RNF130: variants seen among roughly 807,000 people sequenced by gnomAD.
RNF130 encodes ring finger protein 130, also known as E3 ubiquitin-protein ligase RNF130.
A neutral mutation model predicts 44.6 loss-of-function variants in RNF130; 21 were observed. The observed-to-expected ratio is 0.47, with a 90% CI of 0.33 to 0.68. The LOEUF is 0.68. Among genes scored for constraint, RNF130 ranks in the 30% least tolerant of loss-of-function variants. RNF130 has a pLI of 0.02. For synonymous variants in RNF130, 214 were observed against 210.4 expected, an observed-to-expected ratio of 1.02 and a Z score of -0.15; for missense variants, 479 against 560.6, an observed-to-expected ratio of 0.85 and a Z score of 1.47.
chr5:179,946,976 ATAAAG>A (rs1229361959), intron 7 of RNF130, among the ~76,000 whole-genome samples: 4 of 151,932 alleles, frequency 2.6e-5, no homozygotes, highest in South Asian at 2.1e-4. Flanking sequence ...TCCTTGGCAA[ATAAAG>A]TACTCTCCTT....
chr5:179,960,292 T>C (rs1248553473), intron 8 of RNF130, among the ~76,000 whole-genome samples: 2 of 152,230 alleles, frequency 1.3e-5, no homozygotes, highest in Non-Finnish European at 2.9e-5. Flanking sequence ...ACCATCCTGT[T>C]TATATTTGCA....
intron 1 of RNF130, among the ~76,000 whole-genome samples, chr5:180,043,383 T>C (rs1764473668): frequency 6.6e-6 from 1 of 152,128 alleles, no homozygotes; most frequent in Admixed American, 6.5e-5. Flanking sequence ...TTTCCCTTTG[T>C]TTGTTTCACT....
chr5:179,940,839 G>A (rs929234607), intron 7 of RNF130, among the ~76,000 whole-genome samples: 2 of 151,652 alleles, frequency 1.3e-5, no homozygotes, highest in African/African-American at 4.8e-5. Context: ...TGAATTACAT[G>A]TATATTAATT....
chr5:180,069,605 A>G (rs1386560960), intron 1 of RNF130, among the ~76,000 whole-genome samples: 2 of 152,130 alleles, frequency 1.3e-5, no homozygotes. Flanking sequence ...AGGTTAACAA[A>G]TCTCCTCTTT....
At chr5:179,931,577 T>C (rs754740520) in intron 7 of RNF130, among the ~76,000 whole-genome samples, 1 of 151,924 alleles carries the variant, frequency 6.6e-6, no homozygotes, top group Non-Finnish European at 1.5e-5. Flanking sequence ...GGGACCAGCC[T>C]GGCCAAAATA....
At chr5:180,062,657 A>G (rs1413007769) in intron 1 of RNF130, among the ~76,000 whole-genome samples, 3 of 152,266 alleles carry the variant, frequency 2.0e-5, no homozygotes, top group African/African-American at 4.8e-5. Context: ...GAAAGTGTCT[A>G]TAAATACCTG....
chr5:180,071,669 G>C lies in RNF130; in HGVS notation c.34C>G (p.Leu12Val). 7.0e-7 allele frequency: 1 copy of C among 1,418,954 alleles called. No individual in the cohort carries two copies. The highest frequency in any genetic ancestry group is 9.2e-7 in the Non-Finnish European group (1 of 1,082,594). 87.9% of individuals were successfully genotyped at this position (1,418,954 alleles called of 1,614,324 possible). ...SCAGRAGPAR[L>V]AALALLTCSL... ...CAGGTCAGCAGGGCGAGCGCGGCGA[G>C]CCGGGCAGGGCCCGCCCGCCCCGCG... The change falls in exon 1 of 9, where the codon CTC becomes GTC. Residue 12 changes from leucine to valine, a missense_variant. Physicochemically the swap from Leu to Val is conservative, Grantham distance 32. Coordinates refer to ENST00000521389, the MANE Select transcript of RNF130 (RefSeq NM_018434.6).
intron 6 of RNF130, among the ~76,000 whole-genome samples, chr5:179,969,014 G>A (rs1044932002): frequency 6.6e-6 from 1 of 152,212 alleles, no homozygotes; most frequent in African/African-American, 2.4e-5. Context: ...CTGAAACTGT[G>A]TTTGACAGTA....
At chr5:180,016,391 G>A (rs1193330568) in intron 2 of RNF130, among the ~76,000 whole-genome samples, 1 of 152,070 alleles carries the variant, frequency 6.6e-6, no homozygotes, top group Non-Finnish European at 1.5e-5. Flanking sequence ...GTCAGAGGAG[G>A]CAGTGACTGA....
intron 1 of RNF130, among the ~76,000 whole-genome samples, chr5:180,065,403 C>A (rs1343897066): frequency 6.6e-6 from 1 of 152,060 alleles, no homozygotes; most frequent in Non-Finnish European, 1.5e-5. Context: ...TGTAACACTC[C>A]ACTGAGTGGA....
intron 3 of RNF130, among the ~76,000 whole-genome samples, chr5:179,990,798 T>G (rs1447307449): frequency 6.6e-6 from 1 of 152,254 alleles, no homozygotes. Flanking sequence ...CCCCTTCAGC[T>G]ACTATCTCTG....
chr5:180,048,707 T>G (rs1764625119), intron 1 of RNF130, among the ~76,000 whole-genome samples: 1 of 152,180 alleles, frequency 6.6e-6, no homozygotes. Context: ...ATTCAGCACC[T>G]CAGCAGTGTC....
intron 7 of RNF130, among the ~76,000 whole-genome samples, chr5:179,922,639 G>A (rs985010234): frequency 6.6e-6 from 1 of 151,240 alleles, no homozygotes; most frequent in Non-Finnish European, 1.5e-5. Context: ...AAGTATGAGG[G>A]TTTAAAAAAA....
chr5:180,062,952 A>G (rs989206199), intron 1 of RNF130, among the ~76,000 whole-genome samples: 11 of 152,232 alleles, frequency 7.2e-5, no homozygotes, highest in Non-Finnish European at 1.0e-4. Context: ...ACACACTGTA[A>G]AGAAGACATA....
intron 2 of RNF130, among the ~76,000 whole-genome samples, chr5:180,030,857 G>C (rs1474460369): frequency 1.3e-5 from 2 of 152,176 alleles, no homozygotes; most frequent in Admixed American, 1.3e-4. Flanking sequence ...CATGTGTCAA[G>C]AGTTAATTCC....
chr5:179,971,312 C>T (rs1270848532), intron 5 of RNF130, among the ~76,000 whole-genome samples: 1 of 152,154 alleles, frequency 6.6e-6, no homozygotes, highest in African/African-American at 2.4e-5. Flanking sequence ...CCAGGACAGA[C>T]GTTCAGGGCA....
rs79422868 is a variant in RNF130, at chr5:180,013,002, G to A, written c.693+59C>T. The A allele has an allele frequency of 3.0e-3, 4,680 of 1,550,402 alleles. 148 individuals carry two copies. The African/African-American group carries it at 0.058, about 19-fold the overall frequency. ...ACATGTTAGTAAGATGCATGGTCAC[G>A]ACAGATGACTGTGAACTCTGGCTGT... is the stretch of plus-strand genomic sequence containing the variant. On this transcript the variant is annotated intron_variant, in intron 3 of 8. Transcript: ENST00000521389.
chr5:180,036,797 A>C (rs1764259934), intron 2 of RNF130, among the ~76,000 whole-genome samples: 1 of 152,130 alleles, frequency 6.6e-6, no homozygotes, highest in Admixed American at 6.6e-5. Context: ...ACTTCAAATA[A>C]GCAAAAATTA....
chr5:179,947,359 C>T (rs917092353), intron 7 of RNF130, among the ~76,000 whole-genome samples: 1 of 152,172 alleles, frequency 6.6e-6, no homozygotes, highest in African/African-American at 2.4e-5. Flanking sequence ...TCTCACCCAC[C>T]CCACCTGTGT....
Sources: allele counts gnomAD v4.1 joint callset (sites outside exome capture counted in the v4.1 genomes callset), GRCh38; gene constraint gnomAD v4.1.1; transcripts MANE v1.5; gene names NCBI Gene and HGNC (gene_info 2026-07-23, HGNC 2026-07-21).